The following CYP4F12 variants were observed in gnomAD, a reference collection of about 807,000 sequenced individuals.
The protein encoded by CYP4F12 is cytochrome P450 4F12.
CYP4F12 carries 60 observed loss-of-function variants against 56.5 expected under a neutral mutation model. The observed-to-expected ratio is 1.06, with a 90% CI of 0.86 to 1.32. The LOEUF (loss-of-function observed/expected upper bound fraction) is 1.32. Ranked by LOEUF, CYP4F12 falls within the 40% of genes most tolerant of loss-of-function variation. The probability of loss-of-function intolerance (pLI) is 0.00; values close to 1 mark genes in which losing one functional copy is unlikely to be tolerated. For missense variants in CYP4F12, 711 were observed against 683.5 expected, an observed-to-expected ratio of 1.04 and a Z score of -0.45; for synonymous variants, 263 against 264.9, an observed-to-expected ratio of 0.99 and a Z score of 0.07.
chr19:15,679,343 C>A (rs1390060949), intron 3 of CYP4F12, among the ~76,000 whole-genome samples: 2 of 152,232 alleles, frequency 1.3e-5, no homozygotes, highest in Non-Finnish European at 2.9e-5. Flanking sequence ...GGATCTGTCT[C>A]CTTTTCTTAA....
At chr19:15,685,246 C>A in intron 9 of CYP4F12, 49 bp downstream of exon 9, 1 of 1,595,814 alleles carries the variant, frequency 6.3e-7, no homozygotes, top group Non-Finnish European at 8.6e-7. Context: ...ATTGGTTCTG[C>A]TCCCCAAGTG....
intron 9 of CYP4F12, 122 bp from the exon 10 acceptor site, chr19:15,695,814 A>C: frequency 7.4e-7 from 1 of 1,350,534 alleles, no homozygotes. Context: ...AAATTCTCAA[A>C]TGTTTGATCC....
chr19:15,684,756 TTG>T (rs3063212), intron 7 of CYP4F12, 58 bp from the exon 8 acceptor site: 22,916 of 1,039,966 alleles, frequency 0.022, 133 homozygotes, highest in Admixed American at 0.1. Context: ...ATAGTATAAT[TTG>T]TGTGTGTGTG....
chr19:15,677,366 ACTCACTCATTCCTCTGCTCACTCT>A lies in CYP4F12; in HGVS notation c.199-890_199-867del, dbSNP rs1220539828. Among the ~76,000 whole-genome samples, 288 of 14,968 alleles carry A rather than the reference ACTCACTCATTCCTCTGCTCACTCT, an allele frequency of 0.019. 138 individuals are homozygous for A. The East Asian group carries it at 0.61, about 32-fold the overall frequency. The allele number at this position is 14,968 out of a possible 152,430, so 9.8% of individuals were successfully genotyped here. On this transcript the variant is annotated intron_variant, in intron 2 of 12. Transcript: ENST00000550308. ...TCCTCACTCACTCATTCCTGTCCTC[ACTCACTCATTCCTCTGCTCACTCT>A]CTCATTCCCCTCCTCACTCACTCAT... is the stretch of plus-strand genomic sequence containing the variant.
chr19:15,696,881 A>G (rs770736319), intron 12 of CYP4F12, 27 bp from the exon 13 acceptor site: 3 of 1,591,888 alleles, frequency 1.9e-6, no homozygotes, highest in African/African-American at 2.7e-5. Flanking sequence ...TCTTGGGCAC[A>G]GTCACAGTCC....
At position 15,678,311 on chromosome 19, in the gene CYP4F12, C is replaced by T. The variant is rs202032172; in HGVS notation, c.249C>T (p.Thr83=). ...GLKNSTQMSA[T]YSQGFTVWLG... ...AGAACTCGACCCAGATGTCGGCCACCTATTCCCAGGGCTTTACGGTATGGC... is the reference window on the plus strand; with the variant it reads ...AGAACTCGACCCAGATGTCGGCCACTTATTCCCAGGGCTTTACGGTATGGC... The change falls in exon 3 of 13, where the codon ACC becomes ACT. Residue 83 remains threonine (T), a synonymous_variant. Coordinates refer to ENST00000550308, the MANE Select transcript of CYP4F12 (RefSeq NM_023944.4). 2.1e-5 allele frequency: 34 copies of T among 1,614,098 alleles called. No individual in the cohort carries two copies. Among genetic ancestry groups the T allele is most frequent in the Admixed American group, 5.0e-5 (3 of 60,004 alleles).
At chr19:15,683,398 C>T in intron 6 of CYP4F12, 95 bp from the exon 7 acceptor site, 2 of 1,344,890 alleles carry the variant, frequency 1.5e-6, no homozygotes, top group Non-Finnish European at 2.0e-6. Context: ...TACTCAGTTT[C>T]CTGATGGGAG....
chr19:15,686,301 CA>C (rs1288810445), intron 9 of CYP4F12, among the ~76,000 whole-genome samples: 1 of 152,082 alleles, frequency 6.6e-6, no homozygotes, highest in Non-Finnish European at 1.5e-5. Flanking sequence ...AGTAAAAAAC[CA>C]AAATAATAAA....
intron 9 of CYP4F12, 63 bp downstream of exon 9, chr19:15,685,260 A>T: frequency 6.4e-7 from 1 of 1,573,834 alleles, no homozygotes; most frequent in Non-Finnish European, 8.7e-7. Context: ...CCAAGTGAGG[A>T]GGGGTGGAGG....
rs201934986 is a variant in CYP4F12, at chr19:15,683,766, A to G, written c.918+3A>G. 110 of 1,532,098 alleles carry G rather than the reference A, an allele frequency of 7.2e-5. No homozygotes were observed. Among genetic ancestry groups the G allele is most frequent in the Admixed American group, 5.4e-4 (25 of 46,148 alleles). 94.9% of individuals were successfully genotyped at this position (1,532,098 alleles called of 1,614,324 possible). A position where few individuals can be genotyped will look rare whatever the true frequency, so the allele number is the denominator to read the frequency against. On this transcript the variant is annotated splice_donor_region_variant and intron_variant, in intron 7 of 12. Transcript: ENST00000550308. ...TTGATGTGCTTCTGCTGAGCAAGGT[A>G]GGTTTCTCTATGATCTGAATTTAGG...
intron 9 of CYP4F12, among the ~76,000 whole-genome samples, chr19:15,691,026 TG>T (rs1411697560): frequency 9.9e-5 from 15 of 152,240 alleles, no homozygotes; most frequent in African/African-American, 3.6e-4. Context: ...TTTTTCTGAG[TG>T]CTGAATAGCA....
chr19:15,694,945 G>A (rs369553704), intron 9 of CYP4F12, among the ~76,000 whole-genome samples: 5 of 152,122 alleles, frequency 3.3e-5, no homozygotes, highest in African/African-American at 1.2e-4. Context: ...TCAGTGTGGC[G>A]ATTCCTCAGG....
chr19:15,692,316 T>C (rs2007908619), intron 9 of CYP4F12, among the ~76,000 whole-genome samples: 1 of 152,204 alleles, frequency 6.6e-6, no homozygotes, highest in Non-Finnish European at 1.5e-5. Flanking sequence ...AAAGTGTATG[T>C]TTTATTTGGA....
chr19:15,687,983 G>A (rs1056433866), intron 9 of CYP4F12, among the ~76,000 whole-genome samples: 6 of 152,132 alleles, frequency 3.9e-5, no homozygotes, highest in African/African-American at 1.2e-4. Context: ...ACCAGAACCC[G>A]GGAGGCAAGC....
intron 2 of CYP4F12, among the ~76,000 whole-genome samples, chr19:15,675,643 C>T (rs2006882104): frequency 6.6e-6 from 1 of 152,206 alleles, no homozygotes; most frequent in African/African-American, 2.4e-5. Flanking sequence ...TCTTCTCTCT[C>T]TGCTTTGGTA....
At chr19:15,680,170 A>G in intron 3 of CYP4F12, 74 bp from the exon 4 acceptor site, 1 of 1,525,404 alleles carries the variant, frequency 6.6e-7, no homozygotes, top group Non-Finnish European at 8.8e-7. Context: ...AAGTGCTGGT[A>G]GGCAGCCTTG....
rs776625059 is a variant in CYP4F12, at chr19:15,684,892, C to G, written c.985+10C>G. 1.9e-6 allele frequency: 3 copies of G among 1,597,978 alleles called. No homozygotes were observed. In the Admixed American group the frequency reaches 5.1e-5, roughly 27 times the overall value. ...ACCTTCATGTTTGGAGGTGAGGGTC[C>G]CAGTGTGGGACTACAGTGGAGACAG... is the stretch of plus-strand genomic sequence containing the variant. On this transcript the variant is annotated intron_variant, in intron 8 of 12. Coordinates refer to ENST00000550308, the MANE Select transcript of CYP4F12 (RefSeq NM_023944.4).
At chr19:15,688,649 A>C (rs1047963862) in intron 9 of CYP4F12, among the ~76,000 whole-genome samples, 1 of 152,210 alleles carries the variant, frequency 6.6e-6, no homozygotes, top group African/African-American at 2.4e-5. Flanking sequence ...CTGTGTAGTC[A>C]AAGCAATACC....
intron 9 of CYP4F12, among the ~76,000 whole-genome samples, chr19:15,689,707 C>T (rs933952272): frequency 5.3e-5 from 8 of 152,160 alleles, no homozygotes; most frequent in Non-Finnish European, 1.0e-4. Context: ...AACCTAACTG[C>T]CCATTGACCA....
Sources: gnomAD v4.1 joint callset for allele counts (sites outside exome capture counted in the v4.1 genomes callset) on GRCh38, gnomAD v4.1.1 for gene constraint, MANE v1.5 for transcripts, NCBI Gene and HGNC (gene_info 2026-07-23, HGNC 2026-07-21) for gene names.